The following BATF2 variants were observed in gnomAD, a reference collection of about 807,000 sequenced individuals.
The protein encoded by BATF2 is basic leucine zipper transcriptional factor ATF-like 2.
A neutral mutation model predicts 7.3 loss-of-function variants in BATF2; 4 were observed. The observed-to-expected ratio is 0.55, with a 90% CI of 0.27 to 1.26. BATF2 has a LOEUF of 1.26. BATF2 is among the 50% of genes most tolerant of loss of function. The probability of loss-of-function intolerance (pLI) is 0.11; values close to 1 mark genes in which losing one functional copy is unlikely to be tolerated. For missense variants in BATF2, 295 were observed against 340.5 expected, an observed-to-expected ratio of 0.87 and a Z score of 1.05; for synonymous variants, 152 against 153.9, an observed-to-expected ratio of 0.99 and a Z score of 0.09.
intron 2 of BATF2, chr11:64,990,016 C>T (rs1015894805): frequency 1.6e-5 from 25 of 1,535,096 alleles, no homozygotes; most frequent in Non-Finnish European, 2.1e-5. Context: ...CTGAAGGGGG[C>T]TCAGATCCGC....
At chr11:64,992,623 G>A (rs566575175) in intron 2 of BATF2, among the ~76,000 whole-genome samples, 2 of 151,120 alleles carry the variant, frequency 1.3e-5, no homozygotes, top group Non-Finnish European at 3.0e-5. Flanking sequence ...CACTTTGGGA[G>A]GCCGAGGTAG....
chr11:64,989,298 A>C lies in BATF2; in HGVS notation c.656T>G (p.Leu219Arg). The C allele has an allele frequency of 6.3e-7, 1 of 1,588,810 alleles. No individual in the cohort carries two copies. The highest frequency in any genetic ancestry group is 8.6e-7 in the Non-Finnish European group (1 of 1,166,762). ...GGAAGGGTTGTCGGGAGAGGACCCC[A>C]GCTTCCCTCTGGTGGGATGCTCCAG... ...LELEHPTRGK[L>R]GSSPDNPSSA... Residue 219 changes from leucine (L) to arginine (R), a missense_variant, in exon 3 of 3, where the codon CTG becomes CGG. Coordinates refer to ENST00000301887, the MANE Select transcript of BATF2 (RefSeq NM_138456.4). This position sits in a 1 kb window ranked among gnomAD's most constrained non-coding sequence, Gnocchi z 4.3.
intron 1 of BATF2, among the ~76,000 whole-genome samples, chr11:64,995,021 G>A (rs927797188): frequency 6.6e-6 from 1 of 151,972 alleles, no homozygotes; most frequent in Admixed American, 6.6e-5. Context: ...GCCAATTTTT[G>A]TATTTTTAGT....
chr11:64,989,727 G>A lies in BATF2; in HGVS notation c.227C>T (p.Thr76Ile). 1 of 1,614,006 alleles carries A rather than the reference G, an allele frequency of 6.2e-7. No homozygotes were observed. The highest frequency in any genetic ancestry group is 8.5e-7 in the Non-Finnish European group (1 of 1,179,996). Residue 76 changes from threonine (T) to isoleucine (I), a missense_variant, in exon 3 of 3, where the codon ACC becomes ATC. Physicochemically the swap from Thr to Ile is moderately conservative, Grantham distance 89 (BLOSUM62 -1). Transcript: ENST00000301887. This position sits in a 1 kb window ranked among gnomAD's most constrained non-coding sequence, Gnocchi z 4.3. ...GCACAGGCGCTCATGCACGTGCAGG[G>A]TCCGGCTCCACCACGCCAGCTCGGC... ...LQAELAWWSR[T>I]LHVHERLCPM... is the part of the protein sequence containing the mutation.
intron 1 of BATF2, among the ~76,000 whole-genome samples, chr11:64,996,518 A>G (rs1042421523): frequency 4.6e-5 from 7 of 152,164 alleles, no homozygotes; most frequent in East Asian, 1.9e-4. Context: ...CAGACTCCCA[A>G]GGGGCTGGGA....
rs1357912996 is a variant in BATF2 at position 64,992,533 on chromosome 11, G to A, written c.141+1915C>T. ...AATGAGGTCCTAGGATAGAGGATCG[G>A]GTTCTAATCTGATAGGATTGGTGGC... On this transcript the variant is annotated intron_variant, in intron 2 of 2. Transcript: ENST00000301887. Among the ~76,000 whole-genome samples the A allele has an allele frequency of 2.6e-5, 4 of 152,034 alleles. No homozygotes were observed. The East Asian group carries it at 7.7e-4, about 29-fold the overall frequency.
At chr11:64,994,003 G>C (rs867074661) in intron 2 of BATF2, among the ~76,000 whole-genome samples, 4 of 152,040 alleles carry the variant, frequency 2.6e-5, no homozygotes, top group Admixed American at 1.3e-4. Flanking sequence ...TCACTATATT[G>C]CCCAGGCTGG....
intron 2 of BATF2, among the ~76,000 whole-genome samples, chr11:64,992,554 G>T (rs1946084892): frequency 6.6e-6 from 1 of 152,070 alleles, no homozygotes; most frequent in Non-Finnish European, 1.5e-5. Flanking sequence ...GATAGGATTG[G>T]TGGCCTTATA....
intron 1 of BATF2, among the ~76,000 whole-genome samples, chr11:64,996,476 T>G (rs1361102126): frequency 1.3e-5 from 2 of 152,146 alleles, no homozygotes; most frequent in Non-Finnish European, 2.9e-5. Context: ...AGGCTGATCT[T>G]GAACTCCTAA....
Position 64,989,548 on chromosome 11 carries a change from G to A in BATF2, c.406C>T (p.Leu136Phe). 4 of 1,589,042 alleles carry A rather than the reference G, an allele frequency of 2.5e-6. No individual in the cohort carries two copies. The highest frequency in any genetic ancestry group is 3.4e-6 in the Non-Finnish European group (4 of 1,168,016). The change falls in exon 3 of 3, where the codon CTC becomes TTC. Residue 136 changes from leucine to phenylalanine, a missense_variant. Physicochemically the swap from Leu to Phe is conservative, Grantham distance 22 (BLOSUM62 0). Coordinates refer to ENST00000301887, the MANE Select transcript of BATF2 (RefSeq NM_138456.4). The surrounding 1 kb of genome is among the most constrained non-coding windows in gnomAD (Gnocchi z 4.3). ...TCATGAGGCTGTGGACCTGGAGAGA[G>A]CGGCTGAGCTGGGTAACAGGAACCC... ...TPGSCYPAQPLSPGPQPHDSP... is the reference protein window; with the variant it reads ...TPGSCYPAQPFSPGPQPHDSP...
At position 64,989,330 on chromosome 11, in the gene BATF2, G is replaced by A; in HGVS notation, c.624C>T (p.Pro208=). ...SLTAQTAPPQ[P]LELEHPTRGK... is the part of the protein sequence containing the mutation. ...CTCTGGTGGGATGCTCCAGCTCGAG[G>A]GGCTGTGGAGGGGCAGTTTGGGCCG... The change falls in exon 3 of 3, where the codon CCC becomes CCT. Residue 208 remains proline, a synonymous_variant. Coordinates refer to ENST00000301887, the MANE Select transcript of BATF2 (RefSeq NM_138456.4). The surrounding 1 kb of genome is among the most constrained non-coding windows in gnomAD (Gnocchi z 4.3). 1 of 1,573,826 alleles carries A rather than the reference G, an allele frequency of 6.4e-7. No homozygotes were observed. Among genetic ancestry groups the A allele is most frequent in the Non-Finnish European group, 8.6e-7 (1 of 1,159,510 alleles).
Position 64,989,954 on chromosome 11 carries a change from C to A in BATF2, c.142-142G>T, listed in dbSNP as rs1398168658. ...ATAGCCAAGTGGGGTCTCTTGGCCA[C>A]TCTCTGGCCAGCCCTTCATAACCAC... On this transcript the variant is annotated intron_variant, in intron 2 of 2. Transcript: ENST00000301887. This position sits in a 1 kb window ranked among gnomAD's most constrained non-coding sequence, Gnocchi z 4.3. 1 of 1,446,284 alleles carries A rather than the reference C, an allele frequency of 6.9e-7. No homozygotes were observed. The highest frequency in any genetic ancestry group is 9.5e-7 in the Non-Finnish European group (1 of 1,054,676). 89.6% of individuals were successfully genotyped at this position (1,446,284 alleles called of 1,614,324 possible).
intron 2 of BATF2, chr11:64,990,513 A>G (rs1946067656): frequency 8.6e-7 from 1 of 1,161,074 alleles, no homozygotes. Flanking sequence ...GGTTGACAGC[A>G]TGAGTGTGTT....
rs760551049 is a variant in BATF2 at position 64,989,854 on chromosome 11, T to C, written c.142-42A>G. ...GGGCGGGGAGGGGAACCTCAGCCAG[T>C]GTCAGGGGCCCCGCATGAGCCTTAG... On this transcript the variant is annotated intron_variant, in intron 2 of 2. Coordinates refer to ENST00000301887, the MANE Select transcript of BATF2 (RefSeq NM_138456.4). This position sits in a 1 kb window ranked among gnomAD's most constrained non-coding sequence, Gnocchi z 4.3. 1 of 1,606,596 alleles carries C rather than the reference T, an allele frequency of 6.2e-7. No homozygotes were observed. Among genetic ancestry groups the C allele is most frequent in the Non-Finnish European group, 8.5e-7 (1 of 1,176,058 alleles).
intron 2 of BATF2, chr11:64,990,541 A>C (rs1273889638): frequency 2.7e-6 from 3 of 1,102,298 alleles, no homozygotes; most frequent in Non-Finnish European, 3.3e-6. Flanking sequence ...GCATCCCTGA[A>C]TCAGCATTTA....
chr11:64,993,927 C>G (rs1164649763), intron 2 of BATF2, among the ~76,000 whole-genome samples: 2 of 152,144 alleles, frequency 1.3e-5, no homozygotes, highest in African/African-American at 4.8e-5. Flanking sequence ...TCCTGAGTAG[C>G]TGGGACTACA....
chr11:64,995,796 C>T (rs1242944579), intron 1 of BATF2, among the ~76,000 whole-genome samples: 3 of 152,076 alleles, frequency 2.0e-5, no homozygotes, highest in Non-Finnish European at 4.4e-5. Flanking sequence ...GCTCCATATG[C>T]TCCCTTGGGC....
chr11:64,993,565 AT>A (rs1330906580), intron 2 of BATF2, among the ~76,000 whole-genome samples: 2 of 152,176 alleles, frequency 1.3e-5, no homozygotes, highest in African/African-American at 4.8e-5. Flanking sequence ...ATAAATGTCT[AT>A]TGTTTAAGCC....
At chr11:64,993,547 T>C (rs765994149) in intron 2 of BATF2, among the ~76,000 whole-genome samples, 9 of 152,186 alleles carry the variant, frequency 5.9e-5, no homozygotes, top group Non-Finnish European at 1.2e-4. Flanking sequence ...CCTCCAAAAC[T>C]GTGAGAAATA....
Sources: gnomAD v4.1 joint callset for allele counts (sites outside exome capture counted in the v4.1 genomes callset) on GRCh38, gnomAD v4.1.1 for gene constraint, Gnocchi (gnomAD v3.1) non-coding constraint, MANE v1.5 for transcripts, NCBI Gene and HGNC (gene_info 2026-07-23, HGNC 2026-07-21) for gene names.